The following COP1 variants were observed in gnomAD, a reference collection of about 807,000 sequenced individuals.
The protein encoded by COP1 is COP1 E3 ubiquitin ligase, also known as E3 ubiquitin-protein ligase COP1.
COP1 carries 24 observed loss-of-function variants against 101.3 expected under a neutral mutation model. The observed-to-expected ratio is 0.24, with a 90% confidence interval of 0.17 to 0.33. The LOEUF is 0.33. COP1 is among the 10% of genes least tolerant of loss of function. COP1 has a pLI of 1.00. For missense variants in COP1, 663 were observed against 906.2 expected, an observed-to-expected ratio of 0.73 and a Z score of 3.45; for synonymous variants, 347 against 341.9, an observed-to-expected ratio of 1.01 and a Z score of -0.17.
At chr1:176,088,203 T>C (rs1433335497) in intron 9 of COP1, among the ~76,000 whole-genome samples, 3 of 151,948 alleles carry the variant, frequency 2.0e-5, no homozygotes, top group East Asian at 1.9e-4. Flanking sequence ...TGTATACATA[T>C]GTGACAAACC....
intron 9 of COP1, among the ~76,000 whole-genome samples, chr1:176,097,849 AC>A (rs1171662832): frequency 6.8e-6 from 1 of 147,684 alleles, no homozygotes; most frequent in Admixed American, 6.9e-5. Flanking sequence ...AGCCTGGGCA[AC>A]AGAGTGAAAC....
At chr1:176,064,164 G>C (rs1675485637) in intron 11 of COP1, among the ~76,000 whole-genome samples, 1 of 152,056 alleles carries the variant, frequency 6.6e-6, no homozygotes, top group Non-Finnish European at 1.5e-5. Context: ...TTTTAAAAAA[G>C]CTCTTACTTT....
At chr1:175,989,719 A>G (rs1657958599) in intron 15 of COP1, among the ~76,000 whole-genome samples, 1 of 152,214 alleles carries the variant, frequency 6.6e-6, no homozygotes, top group African/African-American at 2.4e-5. Flanking sequence ...ATGTCATGAA[A>G]AAAATGTTAA....
At chr1:175,986,846 C>A in intron 18 of COP1, 97 bp downstream of exon 18, 2 of 977,884 alleles carry the variant, frequency 2.0e-6, no homozygotes, top group East Asian at 2.6e-5. Context: ...AAGTACATAC[C>A]ACATACCAAT....
At chr1:176,127,535 T>C (rs1029513983) in intron 8 of COP1, among the ~76,000 whole-genome samples, 6 of 151,782 alleles carry the variant, frequency 4.0e-5, no homozygotes, top group Non-Finnish European at 5.9e-5. Context: ...ACTTCCTGGG[T>C]CTTTTTAAGG....
At chr1:175,994,001 C>T (rs1419793466) in intron 15 of COP1, among the ~76,000 whole-genome samples, 2 of 152,134 alleles carry the variant, frequency 1.3e-5, no homozygotes, top group African/African-American at 4.8e-5. Context: ...AGAGAAAGGT[C>T]GGGTTAACCA....
chr1:176,089,391 T>C (rs1394317443), intron 9 of COP1, among the ~76,000 whole-genome samples: 2 of 152,188 alleles, frequency 1.3e-5, no homozygotes, highest in African/African-American at 2.4e-5. Flanking sequence ...GAGTTTGATA[T>C]ATTCATTAGA....
intron 14 of COP1, among the ~76,000 whole-genome samples, chr1:176,038,123 T>C (rs1167904842): frequency 6.6e-6 from 1 of 152,238 alleles, no homozygotes; most frequent in East Asian, 1.9e-4. Context: ...AAATATCAAC[T>C]GTATTTCTAT....
At chr1:176,129,204 A>T (rs1688517712) in intron 8 of COP1, among the ~76,000 whole-genome samples, 1 of 151,818 alleles carries the variant, frequency 6.6e-6, no homozygotes, top group Non-Finnish European at 1.5e-5. Context: ...CTTAGCCTCC[A>T]TAAAATGATT....
intron 9 of COP1, among the ~76,000 whole-genome samples, chr1:176,100,628 C>T (rs1001895758): frequency 4.6e-5 from 7 of 152,020 alleles, no homozygotes; most frequent in Admixed American, 3.3e-4. Context: ...ATTATCCTGC[C>T]GGGTGATGGG....
intron 18 of COP1, among the ~76,000 whole-genome samples, chr1:175,982,126 A>C (rs1417027943): frequency 6.6e-6 from 1 of 152,198 alleles, no homozygotes; most frequent in Non-Finnish European, 1.5e-5. Context: ...GTCCTCAAAT[A>C]CTAAATACAG....
chr1:176,117,379 T>C (rs1210398897), intron 8 of COP1, among the ~76,000 whole-genome samples: 1 of 152,204 alleles, frequency 6.6e-6, no homozygotes, highest in African/African-American at 2.4e-5. Context: ...ATATCCTCTA[T>C]TCATTCTATC....
At chr1:176,131,069 T>C (rs1688808206) in intron 8 of COP1, among the ~76,000 whole-genome samples, 1 of 151,774 alleles carries the variant, frequency 6.6e-6, no homozygotes, top group South Asian at 2.1e-4. Context: ...AGGAACAGTG[T>C]AAGCAAAGAT....
chr1:176,061,799 A>G (rs985531677), intron 11 of COP1, among the ~76,000 whole-genome samples: 21 of 152,198 alleles, frequency 1.4e-4, no homozygotes, highest in African/African-American at 4.8e-4. Flanking sequence ...TTTCTACAGG[A>G]TAGAAAAATT....
intron 10 of COP1, among the ~76,000 whole-genome samples, chr1:176,082,284 TACACAC>T (rs148558055): frequency 6.6e-6 from 1 of 151,936 alleles, no homozygotes; most frequent in Non-Finnish European, 1.5e-5. Context: ...AGCCCATACA[TACACAC>T]ACACACAACT....
intron 11 of COP1, among the ~76,000 whole-genome samples, chr1:176,055,557 T>C (rs1246466611): frequency 1.3e-5 from 2 of 152,218 alleles, no homozygotes; most frequent in Non-Finnish European, 2.9e-5. Flanking sequence ...TTTCAATCTA[T>C]ATAGTACACT....
intron 14 of COP1, among the ~76,000 whole-genome samples, chr1:176,033,679 G>C (rs920441215): frequency 1.5e-4 from 23 of 152,028 alleles, no homozygotes; most frequent in African/African-American, 5.3e-4. Flanking sequence ...GCCACATAAT[G>C]ATGGTTCTTT....
chr1:176,009,145 T>C (rs1159631195), intron 15 of COP1, among the ~76,000 whole-genome samples: 1 of 152,198 alleles, frequency 6.6e-6, no homozygotes, highest in Non-Finnish European at 1.5e-5. Context: ...GGCTGTTTTG[T>C]TGTCCAGATC....
intron 3 of COP1, chr1:176,168,769 A>T (rs1198300628): frequency 4.0e-6 from 1 of 247,720 alleles, no homozygotes; most frequent in Non-Finnish European, 8.4e-6. Flanking sequence ...GTAAGGGAGA[A>T]ACAGAAGAGA....
Sources: gnomAD v4.1 joint callset for allele counts (sites outside exome capture counted in the v4.1 genomes callset) on GRCh38, gnomAD v4.1.1 for gene constraint, MANE v1.5 for transcripts, NCBI Gene and HGNC (gene_info 2026-07-23, HGNC 2026-07-21) for gene names.